The following GULP1 variants were observed in gnomAD, a reference collection of about 807,000 sequenced individuals.
The protein encoded by GULP1 is PTB domain-containing engulfment adapter protein 1.
In GULP1, 19 loss-of-function variants were observed where a neutral mutation model predicts 40.9. That is an observed-to-expected ratio of 0.46 (90% confidence interval 0.32 to 0.68). The LOEUF is 0.68. Ranked by LOEUF, GULP1 falls within the 30% of genes least tolerant of loss-of-function variation. The pLI is 0.03. For missense variants in GULP1, 312 were observed against 362.2 expected (o/e 0.86, Z 1.12); for synonymous variants, 119 against 117.6 (o/e 1.01, Z -0.08).
intron 7 of GULP1, among the ~76,000 whole-genome samples, chr2:188,567,962 G>GT (rs1480723777): frequency 1.3e-5 from 2 of 151,898 alleles, no homozygotes; most frequent in Non-Finnish European, 2.9e-5. Flanking sequence ...GCATACATTG[G>GT]TATCTGTCAT....
intron 2 of GULP1, among the ~76,000 whole-genome samples, chr2:188,406,606 G>A (rs1169362873): frequency 6.6e-6 from 1 of 151,994 alleles, no homozygotes; most frequent in Non-Finnish European, 1.5e-5. Flanking sequence ...CAGCAGCAGA[G>A]TTGTTCAAAC....
intron 1 of GULP1, among the ~76,000 whole-genome samples, chr2:188,360,299 C>G (rs1457840135): frequency 1.3e-5 from 2 of 152,072 alleles, no homozygotes; most frequent in Admixed American, 1.3e-4. Context: ...TCTTCAATCA[C>G]AACCCAAAAA....
At chr2:188,379,158 A>G (rs1368714612) in intron 1 of GULP1, among the ~76,000 whole-genome samples, 1 of 152,166 alleles carries the variant, frequency 6.6e-6, no homozygotes, top group Non-Finnish European at 1.5e-5. Flanking sequence ...GAGAGCTTCA[A>G]AGCACTGCAG....
At chr2:188,492,892 C>T (rs1333363738) in intron 4 of GULP1, among the ~76,000 whole-genome samples, 3 of 151,984 alleles carry the variant, frequency 2.0e-5, no homozygotes, top group Non-Finnish European at 4.4e-5. Flanking sequence ...GACAGTAATG[C>T]ATATCATACA....
chr2:188,528,773 A>G (rs1686817082), intron 5 of GULP1, among the ~76,000 whole-genome samples: 1 of 152,168 alleles, frequency 6.6e-6, no homozygotes, highest in Non-Finnish European at 1.5e-5. Context: ...TTCACAGAAA[A>G]ACAAACTGAT....
chr2:188,594,025 A>G lies in GULP1; in HGVS notation c.*14A>G. ...AGTAGGTGCTGACATCAAGAACAAG[A>G]AATCCTGATTCATGTTAAATGTGTT... On this transcript the variant is annotated 3_prime_UTR_variant, in exon 12 of 12. Coordinates refer to ENST00000409830, the MANE Select transcript of GULP1 (RefSeq NM_016315.4). 1 of 1,452,516 alleles carries G rather than the reference A, an allele frequency of 6.9e-7. No individual in the cohort carries two copies. Among genetic ancestry groups the G allele is most frequent in the East Asian group, 2.3e-5 (1 of 44,070 alleles). The allele number at this position is 1,452,516 out of a possible 1,614,324, so 90.0% of individuals were successfully genotyped here.
At chr2:188,536,440 G>A (rs755065430) in intron 6 of GULP1, among the ~76,000 whole-genome samples, 42 of 152,028 alleles carry the variant, frequency 2.8e-4, no homozygotes, top group Admixed American at 9.8e-4. Flanking sequence ...TTATTGAATA[G>A]GGAGTCCTTT....
At chr2:188,405,387 C>T (rs1387138060) in intron 2 of GULP1, among the ~76,000 whole-genome samples, 1 of 152,152 alleles carries the variant, frequency 6.6e-6, no homozygotes. Context: ...TTAATAGATT[C>T]AGGGTCCACA....
chr2:188,465,390 A>G (rs1443722668), intron 2 of GULP1, among the ~76,000 whole-genome samples: 2 of 151,924 alleles, frequency 1.3e-5, no homozygotes, highest in South Asian at 2.1e-4. Flanking sequence ...GAGGCAAGAC[A>G]GAGTCCTCCC....
At chr2:188,300,667 A>C (rs945350543) in intron 1 of GULP1, among the ~76,000 whole-genome samples, 1 of 152,126 alleles carries the variant, frequency 6.6e-6, no homozygotes, top group Admixed American at 6.5e-5. Context: ...AAATTAGTTT[A>C]TTATTGATGT....
intron 2 of GULP1, among the ~76,000 whole-genome samples, chr2:188,457,984 C>T (rs549288783): frequency 3.0e-4 from 46 of 152,212 alleles, no homozygotes; most frequent in African/African-American, 1.1e-3. Context: ...CCTAAACAAC[C>T]CTCTTTTTCT....
At chr2:188,465,971 ATGTG>A (rs139512748) in intron 2 of GULP1, among the ~76,000 whole-genome samples, 46 of 148,974 alleles carry the variant, frequency 3.1e-4, no homozygotes, top group Admixed American at 1.1e-3. Flanking sequence ...GTGTGTGTAT[ATGTG>A]TGTGTGTGTG....
intron 4 of GULP1, among the ~76,000 whole-genome samples, chr2:188,486,976 A>T (rs2061916625): frequency 6.6e-6 from 1 of 151,980 alleles, no homozygotes; most frequent in Non-Finnish European, 1.5e-5. Flanking sequence ...GGAGAAGAGT[A>T]CTGAGAATTT....
intron 4 of GULP1, among the ~76,000 whole-genome samples, chr2:188,518,556 A>G (rs1342787677): frequency 6.6e-6 from 1 of 152,070 alleles, no homozygotes; most frequent in Non-Finnish European, 1.5e-5. Flanking sequence ...AGCTCTCAAT[A>G]CTGGCAAGGT....
Position 188,433,713 on chromosome 2 carries a change from A to G in GULP1, c.-44-43946A>G, listed in dbSNP as rs145929856. 2.4e-4 allele frequency among the ~76,000 whole-genome samples: 36 copies of G among 152,256 alleles called. 1 individual carries two copies. In the East Asian group the frequency reaches 7.0e-3, roughly 29 times the overall value. Reference sequence around the variant, plus strand: ...TGCCTATGGGTGCCAATTAATGCTGATGAAAGAAACCAAACTCTGTCAAAT... The same window carrying G: ...TGCCTATGGGTGCCAATTAATGCTGGTGAAAGAAACCAAACTCTGTCAAAT... On this transcript the variant is annotated intron_variant, in intron 2 of 11. Transcript: ENST00000409830.
chr2:188,496,466 A>G (rs577842885), intron 4 of GULP1, among the ~76,000 whole-genome samples: 1 of 152,158 alleles, frequency 6.6e-6, no homozygotes, highest in Non-Finnish European at 1.5e-5. Context: ...GCAGATATTC[A>G]AACTAAAAAA....
chr2:188,589,524 A>T (rs1414553902), intron 11 of GULP1: 5 of 355,382 alleles, frequency 1.4e-5, no homozygotes, highest in Non-Finnish European at 2.6e-5. Flanking sequence ...TTCTCTAAAA[A>T]TTTTTTAGAT....
chr2:188,470,575 C>T lies in GULP1; in HGVS notation c.-44-7084C>T, dbSNP rs1350477372. ...GCTATAAACTTCCCTCTTAGTACTG[C>T]TTTGGCTGTATTCCATAGGTTTTCA... On this transcript the variant is annotated intron_variant, in intron 2 of 11. Transcript: ENST00000409830. Among the ~76,000 whole-genome samples, 4 of 152,088 alleles carry T rather than the reference C, an allele frequency of 2.6e-5. No homozygotes were observed. In the East Asian group the frequency reaches 7.7e-4, roughly 29 times the overall value.
chr2:188,412,039 G>T (rs1045563203), intron 2 of GULP1, among the ~76,000 whole-genome samples: 2 of 152,212 alleles, frequency 1.3e-5, no homozygotes, highest in African/African-American at 4.8e-5. Context: ...GGTGGCAGGA[G>T]TGGATACCAT....
Sources: allele counts gnomAD v4.1 joint callset (sites outside exome capture counted in the v4.1 genomes callset), GRCh38; gene constraint gnomAD v4.1.1; transcripts MANE v1.5; gene names NCBI Gene and HGNC (gene_info 2026-07-23, HGNC 2026-07-21).